GLDC: variants seen among roughly 807,000 people sequenced by gnomAD.
GLDC encodes the protein glycine decarboxylase.
Under a neutral mutation model 121.3 loss-of-function variants are expected in GLDC, and 104 were observed. The observed-to-expected ratio is 0.86, with a 90% CI of 0.73 to 1.01. The LOEUF is 1.01. Ranked by LOEUF, GLDC falls within the 50% of genes least tolerant of loss-of-function variation. GLDC has a pLI of 0.00. For synonymous variants in GLDC, 546 were observed against 480.6 expected, an observed-to-expected ratio of 1.14 and a Z score of -1.78; for missense variants, 1,429 against 1,306.6, an observed-to-expected ratio of 1.09 and a Z score of -1.44.
chr9:6,552,176 A>G (rs1817529886), intron 20 of GLDC, among the ~76,000 whole-genome samples: 1 of 152,182 alleles, frequency 6.6e-6, no homozygotes, highest in African/African-American at 2.4e-5. Flanking sequence ...GATAAGTAAT[A>G]ACAGCCTGAA....
At chr9:6,611,344 T>C (rs1587965911) in intron 3 of GLDC, among the ~76,000 whole-genome samples, 1 of 152,152 alleles carries the variant, frequency 6.6e-6, no homozygotes, top group African/African-American at 2.4e-5. Context: ...GATCACGAGG[T>C]CAGGAGATCG....
intron 2 of GLDC, among the ~76,000 whole-genome samples, chr9:6,633,979 G>A (rs1008785092): frequency 4.6e-5 from 7 of 151,462 alleles, no homozygotes; most frequent in Non-Finnish European, 5.9e-5. Flanking sequence ...ACAGGCGCCC[G>A]CCACCAGGCC....
chr9:6,608,139 C>T (rs1350594553), intron 4 of GLDC, among the ~76,000 whole-genome samples: 1 of 151,928 alleles, frequency 6.6e-6, no homozygotes, highest in African/African-American at 2.4e-5. Flanking sequence ...GAGGGCCGGG[C>T]GGGGTGGTTC....
At chr9:6,602,063 T>C in intron 8 of GLDC, 46 bp downstream of exon 8, 5 of 1,094,434 alleles carry the variant, frequency 4.6e-6, no homozygotes, top group Non-Finnish European at 5.7e-6. Context: ...AGCTCATTTC[T>C]GTGTATCGTA....
At chr9:6,594,637 G>A (rs1818451898) in intron 9 of GLDC, among the ~76,000 whole-genome samples, 1 of 152,164 alleles carries the variant, frequency 6.6e-6, no homozygotes, top group African/African-American at 2.4e-5. Context: ...GGAGGTTACA[G>A]TGAGCTGAGA....
intron 15 of GLDC, chr9:6,567,426 GAT>G (rs1305123255): frequency 2.0e-5 from 3 of 152,154 alleles, no homozygotes; most frequent in African/African-American, 7.2e-5. Flanking sequence ...GTAAAATGGG[GAT>G]AGTAACAGTA....
At chr9:6,559,172 T>C (rs1217961026) in intron 16 of GLDC, among the ~76,000 whole-genome samples, 3 of 152,164 alleles carry the variant, frequency 2.0e-5, no homozygotes, top group African/African-American at 7.2e-5. Flanking sequence ...GGATGTTTAC[T>C]CTGTAATAAA....
chr9:6,628,305 G>A (rs1234889344), intron 2 of GLDC, among the ~76,000 whole-genome samples: 1 of 152,130 alleles, frequency 6.6e-6, no homozygotes, highest in Non-Finnish European at 1.5e-5. Context: ...AAAGCAAATG[G>A]GAAAAGGGAA....
chr9:6,632,798 G>C (rs139695170), intron 2 of GLDC, among the ~76,000 whole-genome samples: 62 of 152,288 alleles, frequency 4.1e-4, no homozygotes, highest in Admixed American at 3.9e-3. Flanking sequence ...AGTGGACCTT[G>C]AAGTCCTCCC....
At chr9:6,542,729 A>C (rs1344770670) in intron 21 of GLDC, among the ~76,000 whole-genome samples, 2 of 150,750 alleles carry the variant, frequency 1.3e-5, no homozygotes, top group Non-Finnish European at 3.0e-5. Context: ...CTACAAAAAA[A>C]CAAAAAATTA....
intron 21 of GLDC, among the ~76,000 whole-genome samples, chr9:6,547,001 T>C (rs1365891924): frequency 1.3e-5 from 2 of 151,916 alleles, no homozygotes; most frequent in Non-Finnish European, 2.9e-5. Flanking sequence ...TAAGAAGCAT[T>C]ATGTAGTGAA....
intron 15 of GLDC, among the ~76,000 whole-genome samples, chr9:6,574,232 C>T (rs1232588535): frequency 1.3e-5 from 2 of 152,116 alleles, no homozygotes; most frequent in African/African-American, 4.8e-5. Flanking sequence ...CAGGCCAGAA[C>T]TTCGGGAGGC....
At chr9:6,588,080 A>G (rs1480465346) in intron 14 of GLDC, among the ~76,000 whole-genome samples, 2 of 118,432 alleles carry the variant, frequency 1.7e-5, no homozygotes, top group African/African-American at 6.6e-5. Context: ...ACTATAAACA[A>G]TTTTTTTTAA....
In GLDC at chr9:6,556,283, T is replaced by C. The variant is rs1467058055; in HGVS notation, c.2072A>G (p.Asn691Ser). Residue 691 changes from asparagine (N) to serine (S), a missense_variant, in exon 18 of 25, where the codon AAC becomes AGC. Asn to Ser is a conservative substitution (Grantham distance 46). Transcript: ENST00000321612. ...GTATGTAATCATGATAGCTGCTAGGTTCTCCTTGTGCTTATCCACCTGTGA... is the reference window on the plus strand; with the variant it reads ...GTATGTAATCATGATAGCTGCTAGGCTCTCCTTGTGCTTATCCACCTGTGA... ...LKAMVDKHKE[N>S]LAAIMITYPS... The C allele has an allele frequency of 6.2e-7, 1 of 1,613,598 alleles. No individual in the cohort carries two copies. The highest frequency in any genetic ancestry group is 1.3e-5 in the African/African-American group (1 of 74,914).
intron 21 of GLDC, among the ~76,000 whole-genome samples, chr9:6,546,218 T>C (rs746060516): frequency 2.7e-5 from 4 of 150,632 alleles, no homozygotes; most frequent in Admixed American, 6.6e-5. Flanking sequence ...TTTGAGACAG[T>C]GTCTCACTCT....
In GLDC at chr9:6,610,307, C is replaced by G. The variant is rs750123280; in HGVS notation, c.520G>C (p.Glu174Gln). 1.2e-6 allele frequency: 2 copies of G among 1,613,932 alleles called. No homozygotes were observed. The highest frequency in any genetic ancestry group is 8.5e-7 in the Non-Finnish European group (1 of 1,179,856). The change falls in exon 4 of 25, where the codon GAG (glutamate) becomes CAG (glutamine). Residue 174 changes from glutamate (E) to glutamine (Q), a missense_variant. Physicochemically the swap from Glu to Gln is conservative, Grantham distance 29 (BLOSUM62 2). Transcript: ENST00000321612. ...ATGGTCTGGTAGTTGAGTAAACTCT[C>G]CAGCCTCCCCTGAGACACCTCAGGC... is the stretch of plus-strand genomic sequence containing the variant. The part of the protein sequence containing the change: ...YQPEVSQGRL[E>Q]SLLNYQTMVC...
chr9:6,547,256 T>C (rs1183859326), intron 21 of GLDC, among the ~76,000 whole-genome samples: 1 of 152,088 alleles, frequency 6.6e-6, no homozygotes, highest in Non-Finnish European at 1.5e-5. Context: ...GGAAACAACA[T>C]GATTTTAAGC....
chr9:6,639,827 C>G (rs1360948516), intron 2 of GLDC, among the ~76,000 whole-genome samples: 2 of 152,014 alleles, frequency 1.3e-5, no homozygotes, highest in Non-Finnish European at 2.9e-5. Context: ...GGAAGCCAGC[C>G]TGCTACAAGT....
intron 2 of GLDC, among the ~76,000 whole-genome samples, chr9:6,624,938 A>G (rs1335954011): frequency 6.6e-6 from 1 of 151,784 alleles, no homozygotes; most frequent in Admixed American, 6.6e-5. Context: ...CAGTGAGCTG[A>G]GATCACGCCA....
Sources: gnomAD v4.1 joint callset for allele counts (sites outside exome capture counted in the v4.1 genomes callset) on GRCh38, gnomAD v4.1.1 for gene constraint, MANE v1.5 for transcripts, NCBI Gene and HGNC (gene_info 2026-07-23, HGNC 2026-07-21) for gene names.